The following GRM8 variants were observed in gnomAD, a reference collection of about 807,000 sequenced individuals.
GRM8 encodes the protein glutamate metabotropic receptor 8.
Under a neutral mutation model 87.2 loss-of-function variants are expected in GRM8, and 47 were observed. The observed-to-expected ratio is 0.54, with a 90% CI of 0.43 to 0.69. GRM8 has a LOEUF of 0.69. Among genes scored for constraint, GRM8 ranks in the 30% least tolerant of loss-of-function variants. The pLI is 0.00. For synonymous variants in GRM8, 396 were observed against 404.5 expected, an observed-to-expected ratio of 0.98 and a Z score of 0.25; for missense variants, 1,019 against 1,139.2, an observed-to-expected ratio of 0.89 and a Z score of 1.52.
At chr7:127,044,202 G>A (rs1451852115) in intron 3 of GRM8, among the ~76,000 whole-genome samples, 2 of 152,234 alleles carry the variant, frequency 1.3e-5, no homozygotes, top group East Asian at 3.9e-4. Flanking sequence ...ACTGTTCCCA[G>A]AATAATTAAC....
chr7:126,667,804 G>A (rs1460246163), intron 7 of GRM8, among the ~76,000 whole-genome samples: 3 of 152,206 alleles, frequency 2.0e-5, no homozygotes, highest in Non-Finnish European at 4.4e-5. Context: ...GCATGTTTGT[G>A]TGAACTGAAT....
chr7:126,982,904 G>A (rs1410160474), intron 3 of GRM8, among the ~76,000 whole-genome samples: 1 of 152,174 alleles, frequency 6.6e-6, no homozygotes, highest in Non-Finnish European at 1.5e-5. Flanking sequence ...TTGGGCTGCT[G>A]TAGTTTCCCA....
At chr7:126,933,861 A>C (rs937764905) in intron 3 of GRM8, among the ~76,000 whole-genome samples, 4 of 152,224 alleles carry the variant, frequency 2.6e-5, no homozygotes. Flanking sequence ...CTCTGGGACT[A>C]GCACAATGTT....
intron 2 of GRM8, among the ~76,000 whole-genome samples, chr7:127,160,151 T>C (rs1200715820): frequency 6.6e-6 from 1 of 152,106 alleles, no homozygotes; most frequent in East Asian, 1.9e-4. Context: ...AGGTAGCATA[T>C]ATACACCTAC....
Position 127,028,235 on chromosome 7 carries a change from C to A in GRM8, c.727+78261G>T, listed in dbSNP as rs1290153645. Reference sequence around the variant, plus strand: ...TGATGTGCTGCTGGATTCAGTTTGCCAGTATTTTATTAAGGATTTTCGCAT... The same window carrying A: ...TGATGTGCTGCTGGATTCAGTTTGCAAGTATTTTATTAAGGATTTTCGCAT... On this transcript the variant is annotated intron_variant, in intron 3 of 10. Transcript: ENST00000339582. Among the ~76,000 whole-genome samples the A allele has an allele frequency of 2.0e-5, 3 of 152,136 alleles. No individual in the cohort carries two copies. The South Asian group carries it at 6.2e-4, about 32-fold the overall frequency.
chr7:127,140,387 A>G (rs1219866008), intron 2 of GRM8, among the ~76,000 whole-genome samples: 1 of 152,156 alleles, frequency 6.6e-6, no homozygotes, highest in Non-Finnish European at 1.5e-5. Flanking sequence ...GTTGAGAAAC[A>G]CTGTTCTATT....
chr7:126,520,797 TA>T (rs987546064), intron 9 of GRM8, among the ~76,000 whole-genome samples: 31 of 152,236 alleles, frequency 2.0e-4, no homozygotes, highest in African/African-American at 7.5e-4. Flanking sequence ...AATCCTATGG[TA>T]GTGACTCCCT....
rs114092793 is a variant in GRM8 at position 126,538,554 on chromosome 7, T to C, written c.1495-4667A>G. Among the ~76,000 whole-genome samples, 500 of 152,202 alleles carry C rather than the reference T, an allele frequency of 3.3e-3. 2 individuals are homozygous for C. The highest frequency in any genetic ancestry group is 0.012 in the African/African-American group (491 of 41,564). On this transcript the variant is annotated intron_variant, in intron 8 of 10. Transcript: ENST00000339582. ...GTGGGAAAATTTTAAATACATTGTT[T>C]ACAGATAACTGATACTTAGTCATAC...
At chr7:126,520,932 G>A (rs1812896513) in intron 9 of GRM8, among the ~76,000 whole-genome samples, 1 of 152,036 alleles carries the variant, frequency 6.6e-6, no homozygotes, top group Non-Finnish European at 1.5e-5. Context: ...CCAAGTGTTC[G>A]ATAAATTGCC....
intron 9 of GRM8, among the ~76,000 whole-genome samples, chr7:126,523,963 C>T (rs767408941): frequency 4.6e-5 from 7 of 152,072 alleles, no homozygotes; most frequent in Non-Finnish European, 1.0e-4. Context: ...TTCCTTCTAA[C>T]AACGTAATAT....
intron 7 of GRM8, among the ~76,000 whole-genome samples, chr7:126,631,566 C>T (rs948260629): frequency 1.3e-5 from 2 of 151,546 alleles, no homozygotes; most frequent in African/African-American, 2.4e-5. Flanking sequence ...AAAAAAAACT[C>T]GCATAGGCAA....
intron 6 of GRM8, among the ~76,000 whole-genome samples, chr7:126,831,247 C>T (rs1795337807): frequency 6.6e-6 from 1 of 152,198 alleles, no homozygotes; most frequent in Non-Finnish European, 1.5e-5. Context: ...CAGACAGGGA[C>T]ATTTAAGTCT....
intron 2 of GRM8, among the ~76,000 whole-genome samples, chr7:127,117,277 TTTGC>T (rs1226044533): frequency 6.6e-6 from 1 of 152,094 alleles, no homozygotes; most frequent in Non-Finnish European, 1.5e-5. Flanking sequence ...TTTGCTTTGC[TTTGC>T]TTTGGTTTGT....
At chr7:126,927,407 G>A (rs1365701600) in intron 3 of GRM8, among the ~76,000 whole-genome samples, 1 of 152,026 alleles carries the variant, frequency 6.6e-6, no homozygotes, top group East Asian at 1.9e-4. Flanking sequence ...AAAGTGGTGG[G>A]ATTATAGGTG....
chr7:127,174,996 C>G (rs1794015854), intron 2 of GRM8, among the ~76,000 whole-genome samples: 1 of 152,124 alleles, frequency 6.6e-6, no homozygotes, highest in South Asian at 2.1e-4. Context: ...TAAATGACAG[C>G]TTCTACCCAG....
intron 2 of GRM8, among the ~76,000 whole-genome samples, chr7:127,187,861 C>T (rs956316248): frequency 1.3e-5 from 2 of 152,166 alleles, no homozygotes; most frequent in Non-Finnish European, 2.9e-5. Context: ...GACCTGTTTT[C>T]TCATCTGTAA....
intron 6 of GRM8, among the ~76,000 whole-genome samples, chr7:126,816,865 T>C (rs988695475): frequency 1.3e-5 from 2 of 152,016 alleles, no homozygotes; most frequent in Non-Finnish European, 1.5e-5. Flanking sequence ...TATCAACTCA[T>C]GGGCAATCTT....
intron 9 of GRM8, among the ~76,000 whole-genome samples, chr7:126,481,643 A>G (rs1806687152): frequency 1.3e-5 from 2 of 152,112 alleles, no homozygotes; most frequent in South Asian, 4.2e-4. Flanking sequence ...AAGTTTATTA[A>G]ATTTGAAGAA....
intron 3 of GRM8, among the ~76,000 whole-genome samples, chr7:127,020,276 G>T (rs1417529605): frequency 2.0e-5 from 3 of 152,070 alleles, no homozygotes; most frequent in Non-Finnish European, 4.4e-5. Flanking sequence ...ATACAGTGTG[G>T]GTCATATGCC....
Sources: gnomAD v4.1 joint callset for allele counts (sites outside exome capture counted in the v4.1 genomes callset) on GRCh38, gnomAD v4.1.1 for gene constraint, MANE v1.5 for transcripts, NCBI Gene and HGNC (gene_info 2026-07-23, HGNC 2026-07-21) for gene names.